RUNX1T1: variants seen among roughly 807,000 people sequenced by gnomAD.
RUNX1T1 encodes the protein protein CBFA2T1.
In RUNX1T1, 4 loss-of-function variants were observed where a neutral mutation model predicts 62.8. That is an observed-to-expected ratio of 0.06 (90% CI 0.03 to 0.15). The LOEUF (loss-of-function observed/expected upper bound fraction) is 0.15, where lower values mean the gene tolerates loss of function less well. RUNX1T1 is among the 10% of genes least tolerant of loss of function. RUNX1T1 has a pLI of 1.00. For missense variants in RUNX1T1, 508 were observed against 754.3 expected (o/e 0.67, Z 3.82); for synonymous variants, 291 against 286.0 (o/e 1.02, Z -0.18).
chr8:92,094,219 C>G (rs1261439160), intron 1 of RUNX1T1, among the ~76,000 whole-genome samples: 1 of 152,168 alleles, frequency 6.6e-6, no homozygotes, highest in Admixed American at 6.6e-5. Flanking sequence ...AACATGCCCC[C>G]CTGGCTTTAA....
chr8:92,090,349 A>G (rs2130894953), intron 1 of RUNX1T1, among the ~76,000 whole-genome samples: 1 of 152,272 alleles, frequency 6.6e-6, no homozygotes, highest in African/African-American at 2.4e-5. Flanking sequence ...TGAGATCAAG[A>G]TATAATGGAG....
intron 10 of RUNX1T1, among the ~76,000 whole-genome samples, chr8:91,963,478 A>G (rs1042815075): frequency 6.6e-6 from 1 of 152,104 alleles, no homozygotes; most frequent in Non-Finnish European, 1.5e-5. Flanking sequence ...TAGAAAACTG[A>G]AAGAGCAATT....
chr8:91,980,148 G>A (rs1043196411), intron 8 of RUNX1T1, among the ~76,000 whole-genome samples: 1 of 152,060 alleles, frequency 6.6e-6, no homozygotes, highest in Non-Finnish European at 1.5e-5. Context: ...CATACTTAAT[G>A]CTCCAGGAAG....
At chr8:92,056,727 G>A (rs1284579779) in intron 1 of RUNX1T1, among the ~76,000 whole-genome samples, 1 of 152,100 alleles carries the variant, frequency 6.6e-6, no homozygotes, top group Non-Finnish European at 1.5e-5. Context: ...TGGGGGCAGA[G>A]CCATGGATAC....
intron 1 of RUNX1T1, among the ~76,000 whole-genome samples, chr8:92,019,351 T>C (rs917401439): frequency 1.3e-5 from 2 of 151,924 alleles, no homozygotes; most frequent in African/African-American, 4.8e-5. Context: ...ACGGAACTGT[T>C]AGAGAAGGCA....
At chr8:92,027,467 C>T (rs1442093858) in intron 1 of RUNX1T1, among the ~76,000 whole-genome samples, 1 of 152,316 alleles carries the variant, frequency 6.6e-6, no homozygotes, top group Non-Finnish European at 1.5e-5. Context: ...TCATCCTAAA[C>T]ATCTTCCGCT....
chr8:91,961,678 G>A (rs879535466), intron 10 of RUNX1T1, among the ~76,000 whole-genome samples: 7 of 152,194 alleles, frequency 4.6e-5, no homozygotes, highest in Admixed American at 3.3e-4. Context: ...GTGGTGGGGA[G>A]GGGGACCTCA....
intron 1 of RUNX1T1, among the ~76,000 whole-genome samples, chr8:92,052,459 A>G (rs1185177564): frequency 6.6e-6 from 1 of 152,234 alleles, no homozygotes; most frequent in Non-Finnish European, 1.5e-5. Flanking sequence ...TTTTAAAAAT[A>G]CATCATTTAA....
chr8:92,081,676 GA>G (rs1026190462), intron 1 of RUNX1T1, among the ~76,000 whole-genome samples: 3,636 of 142,118 alleles, frequency 0.026, 134 homozygotes, highest in African/African-American at 0.087. Flanking sequence ...TTTCCACCTG[GA>G]AAAAAAAAAA....
chr8:92,077,414 T>C (rs977375359), intron 1 of RUNX1T1, among the ~76,000 whole-genome samples: 2 of 151,952 alleles, frequency 1.3e-5, no homozygotes, highest in Non-Finnish European at 2.9e-5. Context: ...CACGTATAGG[T>C]TGTGTAAGTA....
At chr8:92,047,673 T>C (rs1416576806) in intron 1 of RUNX1T1, among the ~76,000 whole-genome samples, 1 of 151,778 alleles carries the variant, frequency 6.6e-6, no homozygotes, top group African/African-American at 2.4e-5. Flanking sequence ...AGACCTATCA[T>C]AACTGAGCTA....
intron 5 of RUNX1T1, among the ~76,000 whole-genome samples, chr8:92,000,813 C>T (rs924564585): frequency 1.3e-5 from 2 of 152,120 alleles, no homozygotes; most frequent in African/African-American, 2.4e-5. Flanking sequence ...TATACTATGG[C>T]ATCTACCCAC....
intron 1 of RUNX1T1, among the ~76,000 whole-genome samples, chr8:92,091,348 T>C (rs1019153231): frequency 1.3e-5 from 2 of 152,216 alleles, no homozygotes; most frequent in African/African-American, 4.8e-5. Flanking sequence ...TATCTCTTGG[T>C]CCTTGAAAAT....
chr8:91,964,784 C>A (rs1001536559), intron 10 of RUNX1T1, among the ~76,000 whole-genome samples: 3 of 152,058 alleles, frequency 2.0e-5, no homozygotes, highest in Non-Finnish European at 4.4e-5. Context: ...CAAAAATGGA[C>A]AGAAATTGAA....
chr8:92,032,763 G>A (rs767191344), intron 1 of RUNX1T1, among the ~76,000 whole-genome samples: 1 of 152,084 alleles, frequency 6.6e-6, no homozygotes, highest in Non-Finnish European at 1.5e-5. Context: ...GGGTGACAGA[G>A]TGAGGCCCTG....
chr8:92,000,277 G>T (rs1819513227), intron 5 of RUNX1T1, among the ~76,000 whole-genome samples: 1 of 151,982 alleles, frequency 6.6e-6, no homozygotes, highest in African/African-American at 2.4e-5. Flanking sequence ...TCCAGCCTGG[G>T]CAACAAGGGT....
chr8:92,069,857 T>C (rs1385947870), intron 2 of RUNX1T1, among the ~76,000 whole-genome samples: 3 of 152,202 alleles, frequency 2.0e-5, no homozygotes, highest in Non-Finnish European at 4.4e-5. Flanking sequence ...TAACTGCATA[T>C]ACCATAATCT....
At chr8:92,003,197 A>G (rs1820089127) in intron 5 of RUNX1T1, 1 of 347,184 alleles carries the variant, frequency 2.9e-6, no homozygotes, top group Non-Finnish European at 5.8e-6. Context: ...GAATGCATAC[A>G]CTGATGCATG....
chr8:92,036,268 C>A (rs976291461), intron 1 of RUNX1T1, among the ~76,000 whole-genome samples: 1 of 152,124 alleles, frequency 6.6e-6, no homozygotes, highest in African/African-American at 2.4e-5. Flanking sequence ...AGAAACACAA[C>A]CTTCTTGATA....
Sources: gnomAD v4.1 joint callset for allele counts (sites outside exome capture counted in the v4.1 genomes callset) on GRCh38, gnomAD v4.1.1 for gene constraint, MANE v1.5 for transcripts, NCBI Gene and HGNC (gene_info 2026-07-23, HGNC 2026-07-21) for gene names.